The following NTRK3 variants were observed in gnomAD, a reference collection of about 807,000 sequenced individuals.
The protein encoded by NTRK3 is neurotrophic receptor tyrosine kinase 3.
NTRK3 carries 24 observed loss-of-function variants against 91.7 expected under a neutral mutation model. That is an observed-to-expected ratio of 0.26 (90% confidence interval 0.19 to 0.37). NTRK3 has a LOEUF of 0.37. Ranked by LOEUF, NTRK3 falls within the 10% of genes least tolerant of loss-of-function variation. NTRK3 has a pLI of 1.00. For missense variants in NTRK3, 880 were observed against 1,068.9 expected (o/e 0.82, Z 2.46); for synonymous variants, 483 against 404.0 (o/e 1.20, Z -2.34).
chr15:87,984,578 T>C (rs1461321748), intron 14 of NTRK3, among the ~76,000 whole-genome samples: 1 of 152,252 alleles, frequency 6.6e-6, no homozygotes, highest in Non-Finnish European at 1.5e-5. Flanking sequence ...ACTTTCAGGT[T>C]ATTTCTTTTA....
intron 14 of NTRK3, among the ~76,000 whole-genome samples, chr15:87,986,522 T>C (rs2074809253): frequency 6.6e-6 from 1 of 152,212 alleles, no homozygotes; most frequent in Non-Finnish European, 1.5e-5. Context: ...TATGCATATA[T>C]CCATAACCAA....
intron 13 of NTRK3, among the ~76,000 whole-genome samples, chr15:88,096,465 C>T (rs529522178): frequency 5.6e-4 from 85 of 152,252 alleles, no homozygotes; most frequent in African/African-American, 1.8e-3. Flanking sequence ...GCTGCTGAGG[C>T]CCCACTCATA....
chr15:88,113,416 A>G (rs2051665395), intron 13 of NTRK3, among the ~76,000 whole-genome samples: 1 of 148,926 alleles, frequency 6.7e-6, no homozygotes, highest in Non-Finnish European at 1.5e-5. Context: ...CCTGGGTTCA[A>G]GTGATTCTCC....
chr15:87,903,098 TC>T (rs1002626810), intron 17 of NTRK3, among the ~76,000 whole-genome samples: 8 of 152,162 alleles, frequency 5.3e-5, no homozygotes, highest in Non-Finnish European at 1.2e-4. Flanking sequence ...AGATCTACTT[TC>T]CATTAGGGCT....
At chr15:87,947,945 G>A (rs530704817) in intron 14 of NTRK3, among the ~76,000 whole-genome samples, 1 of 152,054 alleles carries the variant, frequency 6.6e-6, no homozygotes, top group African/African-American at 2.4e-5. Context: ...CCTTTGAGGG[G>A]GAAGGAGACC....
intron 3 of NTRK3, among the ~76,000 whole-genome samples, chr15:88,193,810 T>C (rs1233579824): frequency 1.3e-5 from 2 of 152,164 alleles, no homozygotes; most frequent in East Asian, 3.9e-4. Context: ...TAAACATGTT[T>C]TAGGAAAGCT....
chr15:88,099,068 G>T, intron 13 of NTRK3: 1 of 231,278 alleles, frequency 4.3e-6, no homozygotes, highest in Non-Finnish European at 8.6e-6. Context: ...CACCTGGAGA[G>T]CACAGGGCTG....
chr15:88,076,246 C>T lies in NTRK3; in HGVS notation c.1397-43201G>A, dbSNP rs569816927. On this transcript the variant is annotated intron_variant, in intron 13 of 18. Coordinates refer to ENST00000394480, the Ensembl canonical transcript of NTRK3. ...GCAGGGGAACTGCCCTTTATAAAAC[C>T]ATCAGATCTCATGAGACTTATTCAC... is the stretch of plus-strand genomic sequence containing the variant. 6.6e-5 allele frequency among the ~76,000 whole-genome samples: 10 copies of T among 152,202 alleles called. No homozygotes were observed. In the South Asian group the frequency reaches 2.1e-3, roughly 32 times the overall value.
chr15:87,981,793 T>A (rs1437116254), intron 14 of NTRK3, among the ~76,000 whole-genome samples: 1 of 152,168 alleles, frequency 6.6e-6, no homozygotes, highest in Non-Finnish European at 1.5e-5. Context: ...TGGCTTCTAA[T>A]ATCCCATCAA....
chr15:88,176,434 C>T (rs913469437), intron 5 of NTRK3, among the ~76,000 whole-genome samples: 3 of 152,160 alleles, frequency 2.0e-5, no homozygotes, highest in Non-Finnish European at 4.4e-5. Flanking sequence ...TGTGCCCGGC[C>T]CATATGTCCC....
At chr15:87,868,091 ACAAAGAT>A (rs1324345762) in exon 19 of NTRK3, 1 of 231,788 alleles carries the variant, frequency 4.3e-6, no homozygotes, top group Non-Finnish European at 8.5e-6. Context: ...ATGCATGCAC[ACAAAGAT>A]CAACGGAAGC....
chr15:88,102,633 A>G (rs771311720), intron 13 of NTRK3, among the ~76,000 whole-genome samples: 12 of 152,212 alleles, frequency 7.9e-5, no homozygotes, highest in Non-Finnish European at 1.6e-4. Context: ...AAGTATGTAC[A>G]ACTATTATAT....
intron 16 of NTRK3, among the ~76,000 whole-genome samples, chr15:87,929,832 C>T (rs2068636401): frequency 6.6e-6 from 1 of 152,196 alleles, no homozygotes; most frequent in Non-Finnish European, 1.5e-5. Context: ...AATTTTCCCA[C>T]CCCAATTTTG....
intron 14 of NTRK3, among the ~76,000 whole-genome samples, chr15:88,008,045 T>C (rs2076614703): frequency 6.6e-6 from 1 of 152,070 alleles, no homozygotes; most frequent in East Asian, 1.9e-4. Context: ...ACAAAACTAT[T>C]CCCATACACT....
At chr15:87,899,158 A>G (rs1029061335) in intron 17 of NTRK3, among the ~76,000 whole-genome samples, 1 of 152,192 alleles carries the variant, frequency 6.6e-6, no homozygotes, top group African/African-American at 2.4e-5. Flanking sequence ...CTCTGGGTCC[A>G]GGATTTAAAT....
chr15:88,072,861 G>C lies in NTRK3; in HGVS notation c.1397-39816C>G, dbSNP rs3825884. On this transcript the variant is annotated intron_variant, in intron 13 of 18. Transcript: ENST00000394480. The stretch of plus-strand genomic sequence containing the variant: ...CATGGGCCAATCCGGAGTTATGCGT[G>C]TTCTTTTTCCTGGCAGCCCAGCATC... 4.7e-5 allele frequency: 11 copies of C among 232,430 alleles called. No individual in the cohort carries two copies. In the Admixed American group the frequency reaches 6.2e-4, roughly 13 times the overall value. The allele number at this position is 232,430 out of a possible 1,614,324, so 14.4% of individuals were successfully genotyped here.
chr15:88,138,494 T>C (rs1307441848), intron 6 of NTRK3, among the ~76,000 whole-genome samples: 5 of 152,136 alleles, frequency 3.3e-5, no homozygotes, highest in Admixed American at 2.6e-4. Flanking sequence ...TCATTGAAAA[T>C]CAAAGTCAAA....
exon 19 of NTRK3, chr15:87,861,232 G>C (rs1052105423): frequency 9.1e-6 from 2 of 218,902 alleles, no homozygotes; most frequent in Non-Finnish European, 1.8e-5. Flanking sequence ...GAAGCTTAGG[G>C]AGGGGGGATG....
rs184742219 is a variant in NTRK3, at chr15:87,960,238, A to G, written c.1586-19485T>C. 2.6e-5 allele frequency among the ~76,000 whole-genome samples: 4 copies of G among 152,322 alleles called. No individual in the cohort carries two copies. The East Asian group carries it at 7.7e-4, about 29-fold the overall frequency. Reference sequence around the variant, plus strand: ...AAATGGACTAACTCTCAGATGAGCTAGGGAAATAGGAAGAAATTCCCTTAT... The same window carrying G: ...AAATGGACTAACTCTCAGATGAGCTGGGGAAATAGGAAGAAATTCCCTTAT... On this transcript the variant is annotated intron_variant, in intron 14 of 18. Transcript: ENST00000394480.
Sources: allele counts gnomAD v4.1 joint callset (sites outside exome capture counted in the v4.1 genomes callset), GRCh38; gene constraint gnomAD v4.1.1; transcripts MANE v1.5; gene names NCBI Gene and HGNC (gene_info 2026-07-23, HGNC 2026-07-21).